DOCK1: variants seen among roughly 807,000 people sequenced by gnomAD.
DOCK1 encodes dedicator of cytokinesis protein 1.
DOCK1 carries 138 observed loss-of-function variants against 262.7 expected under a neutral mutation model. The ratio of observed to expected loss-of-function variants is 0.53; its 90% CI spans 0.46 to 0.61. The LOEUF (loss-of-function observed/expected upper bound fraction) is 0.61, where lower values mean the gene tolerates loss of function less well. Among genes scored for constraint, DOCK1 ranks in the 20% least tolerant of loss-of-function variants. DOCK1 has a pLI of 0.00. For missense variants in DOCK1, 1,908 were observed against 2,370.7 expected (o/e 0.80, Z 4.05); for synonymous variants, 866 against 867.4 (o/e 1.00, Z 0.03).
At chr10:127,331,677 A>G (rs1447843552) in intron 29 of DOCK1, among the ~76,000 whole-genome samples, 1 of 152,200 alleles carries the variant, frequency 6.6e-6, no homozygotes, top group African/African-American at 2.4e-5. Flanking sequence ...TTATTTCTCA[A>G]TATTTATCCA....
At chr10:127,092,775 G>A (rs867578555) in intron 23 of DOCK1, among the ~76,000 whole-genome samples, 12 of 152,096 alleles carry the variant, frequency 7.9e-5, no homozygotes, top group African/African-American at 2.4e-4. Flanking sequence ...GAGCCACCGC[G>A]CCCGGCAGAC....
At chr10:126,942,674 A>G (rs2035111792) in intron 1 of DOCK1, among the ~76,000 whole-genome samples, 1 of 152,186 alleles carries the variant, frequency 6.6e-6, no homozygotes, top group Admixed American at 6.5e-5. Flanking sequence ...GAGTTCCATT[A>G]TCCCGTTTAT....
At chr10:127,364,291 A>C (rs904956915) in intron 33 of DOCK1, among the ~76,000 whole-genome samples, 2 of 152,164 alleles carry the variant, frequency 1.3e-5, no homozygotes, top group African/African-American at 4.8e-5. Flanking sequence ...TTGAAAACCC[A>C]TTGCAGAGGA....
intron 1 of DOCK1, among the ~76,000 whole-genome samples, chr10:126,934,155 TAA>T: frequency 6.6e-6 from 1 of 152,300 alleles, no homozygotes; most frequent in South Asian, 2.1e-4. Flanking sequence ...TTTTTGAGAC[TAA>T]GTTTCACTCT....
chr10:127,274,097 C>T (rs2060660947), intron 29 of DOCK1, among the ~76,000 whole-genome samples: 1 of 152,074 alleles, frequency 6.6e-6, no homozygotes, highest in Non-Finnish European at 1.5e-5. Flanking sequence ...AAATGCATGT[C>T]TGCCATGGAC....
chr10:127,394,870 A>G (rs2066726595), intron 38 of DOCK1, among the ~76,000 whole-genome samples: 1 of 152,180 alleles, frequency 6.6e-6, no homozygotes, highest in Non-Finnish European at 1.5e-5. Flanking sequence ...ATATGAGCAG[A>G]TAAATAACAA....
At chr10:126,943,094 CA>C (rs1243398704) in intron 1 of DOCK1, among the ~76,000 whole-genome samples, 110 of 142,544 alleles carry the variant, frequency 7.7e-4, no homozygotes, top group Non-Finnish European at 7.8e-4. Flanking sequence ...CTATCTCTAC[CA>C]AAAAAAAAAA....
intron 29 of DOCK1, among the ~76,000 whole-genome samples, chr10:127,279,969 A>T (rs2060883284): frequency 6.8e-6 from 1 of 146,626 alleles, no homozygotes; most frequent in Non-Finnish European, 1.5e-5. Context: ...GAATGCATTA[A>T]TTTTTTTAAA....
intron 15 of DOCK1, chr10:127,026,072 A>AAAAAAAAAAG: frequency 3.7e-6 from 1 of 270,418 alleles, no homozygotes; most frequent in South Asian, 3.6e-5. Flanking sequence ...AAAAAAAAAA[A>AAAAAAAAAAG]GAAAGAAAAA....
At chr10:127,209,972 G>A (rs1728386780) in intron 27 of DOCK1, among the ~76,000 whole-genome samples, 1 of 152,122 alleles carries the variant, frequency 6.6e-6, no homozygotes, top group South Asian at 2.1e-4. Flanking sequence ...AAGTCCCGTG[G>A]ACTTGGAGAC....
intron 4 of DOCK1, among the ~76,000 whole-genome samples, chr10:126,984,517 T>TTG (rs564741458): frequency 3.0e-3 from 456 of 150,614 alleles, no homozygotes; most frequent in African/African-American, 6.1e-3. Context: ...CAGCTAATTT[T>TTG]TGTGTGTGTG....
intron 3 of DOCK1, among the ~76,000 whole-genome samples, chr10:126,981,042 G>A (rs113281873): frequency 0.021 from 3,129 of 151,590 alleles, 114 homozygotes; most frequent in African/African-American, 0.071. Context: ...CCACTTCCCG[G>A]GTTCAAGCGA....
chr10:127,153,257 T>C (rs1297137680), intron 27 of DOCK1, among the ~76,000 whole-genome samples: 1 of 152,246 alleles, frequency 6.6e-6, no homozygotes, highest in Non-Finnish European at 1.5e-5. Flanking sequence ...AAATTACTGA[T>C]GCAGGCCAAA....
intron 27 of DOCK1, among the ~76,000 whole-genome samples, chr10:127,133,610 G>T (rs1336546199): frequency 6.6e-6 from 1 of 152,172 alleles, no homozygotes; most frequent in Non-Finnish European, 1.5e-5. Flanking sequence ...TTGGTTACTA[G>T]CTATGGGTTT....
At chr10:127,219,688 A>G (rs1195721296) in intron 27 of DOCK1, among the ~76,000 whole-genome samples, 2 of 152,028 alleles carry the variant, frequency 1.3e-5, no homozygotes, top group East Asian at 1.9e-4. Flanking sequence ...TCCTGTCTCT[A>G]TGAGTTTGGT....
intron 25 of DOCK1, among the ~76,000 whole-genome samples, chr10:127,117,188 A>G (rs2483861): frequency 0.93 from 141,033 of 152,236 alleles, 65,826 homozygotes; most frequent in Non-Finnish European, 0.98. Context: ...GTGTGCTCAG[A>G]ACCATTGATT....
At chr10:127,444,435 G>A (rs901150391) in intron 50 of DOCK1, among the ~76,000 whole-genome samples, 156 bp downstream of exon 50, 1 of 152,140 alleles carries the variant, frequency 6.6e-6, no homozygotes, top group Non-Finnish European at 1.5e-5. Context: ...CCCTGGGACA[G>A]GCTGTAGAGT....
chr10:126,911,036 A>T (rs1283025325), intron 1 of DOCK1, among the ~76,000 whole-genome samples: 2 of 152,184 alleles, frequency 1.3e-5, no homozygotes, highest in African/African-American at 4.8e-5. Flanking sequence ...TGTGAACCTA[A>T]GTCTTCATTT....
Position 127,393,386 on chromosome 10 carries a change from A to G in DOCK1, c.3927+8477A>G, listed in dbSNP as rs145421484. On this transcript the variant is annotated intron_variant, in intron 38 of 51. Coordinates refer to ENST00000623213, the MANE Select transcript of DOCK1 (RefSeq NM_001290223.2). The stretch of plus-strand genomic sequence containing the variant: ...GCAATTAAGGAAATCTTCATTACGT[A>G]CTTACTCTGTGGGAAGGATATACAC... Among the ~76,000 whole-genome samples the G allele has an allele frequency of 4.5e-4, 69 of 152,232 alleles. 1 individual carries two copies. Among genetic ancestry groups the G allele is most frequent in the African/African-American group, 1.5e-3 (62 of 41,538 alleles).
Sources: gnomAD v4.1 joint callset for allele counts (sites outside exome capture counted in the v4.1 genomes callset) on GRCh38, gnomAD v4.1.1 for gene constraint, MANE v1.5 for transcripts, NCBI Gene and HGNC (gene_info 2026-07-23, HGNC 2026-07-21) for gene names.